Variants in MARCHF1 observed in about 807,000 individuals in gnomAD.
The protein encoded by MARCHF1 is E3 ubiquitin-protein ligase MARCHF1.
A neutral mutation model predicts 54.2 loss-of-function variants in MARCHF1; 40 were observed. The observed-to-expected ratio is 0.74, with a 90% CI of 0.57 to 0.96. The LOEUF is 0.96. Ranked by LOEUF, MARCHF1 falls within the 40% of genes least tolerant of loss-of-function variation. The pLI is 0.00. For missense variants in MARCHF1, 586 were observed against 656.5 expected, an observed-to-expected ratio of 0.89 and a Z score of 1.17; for synonymous variants, 236 against 236.3, an observed-to-expected ratio of 1.00 and a Z score of 0.01.
intron 1 of MARCHF1, among the ~76,000 whole-genome samples, chr4:164,352,490 A>C (rs374188121): frequency 7.0e-5 from 10 of 142,408 alleles, no homozygotes; most frequent in East Asian, 2.4e-4. Context: ...TTCAACCCAG[A>C]ATTTCATATC....
At chr4:164,327,656 G>A (rs1351897224) in intron 1 of MARCHF1, among the ~76,000 whole-genome samples, 1 of 152,196 alleles carries the variant, frequency 6.6e-6, no homozygotes, top group Non-Finnish European at 1.5e-5. Context: ...GGCCAGTTTG[G>A]ATGCCATCAC....
intron 2 of MARCHF1, among the ~76,000 whole-genome samples, chr4:164,092,142 A>G (rs1026331932): frequency 1.3e-5 from 2 of 152,078 alleles, no homozygotes; most frequent in Admixed American, 6.6e-5. Context: ...ATGAGGCTCA[A>G]TGATTGTACC....
At chr4:163,983,900 T>A (rs755487511) in intron 3 of MARCHF1, among the ~76,000 whole-genome samples, 7 of 152,170 alleles carry the variant, frequency 4.6e-5, no homozygotes, top group Non-Finnish European at 1.0e-4. Flanking sequence ...ATCTCAGCTC[T>A]GGCCCTGAGA....
intron 7 of MARCHF1, among the ~76,000 whole-genome samples, chr4:163,592,152 A>G (rs1249033398): frequency 1.3e-5 from 2 of 152,208 alleles, no homozygotes; most frequent in East Asian, 1.9e-4. Flanking sequence ...CAATCATGAC[A>G]TAAGAATAAA....
intron 1 of MARCHF1, chr4:164,197,846 A>T: frequency 4.2e-6 from 6 of 1,424,740 alleles, no homozygotes; most frequent in Non-Finnish European, 5.5e-6. Flanking sequence ...AATATTTACA[A>T]ATATTATAAT....
At chr4:164,375,493 A>G (rs1446762376) in intron 1 of MARCHF1, among the ~76,000 whole-genome samples, 1 of 152,190 alleles carries the variant, frequency 6.6e-6, no homozygotes, top group East Asian at 1.9e-4. Flanking sequence ...CTATTTCTTT[A>G]GAAGTTCTCT....
At chr4:163,720,283 G>A (rs568335795) in intron 4 of MARCHF1, among the ~76,000 whole-genome samples, 1 of 152,154 alleles carries the variant, frequency 6.6e-6, no homozygotes, top group Non-Finnish European at 1.5e-5. Flanking sequence ...ATTAAATAGG[G>A]AATCCTTTCC....
intron 4 of MARCHF1, among the ~76,000 whole-genome samples, chr4:163,710,825 C>CAGA (rs1235670278): frequency 5.3e-5 from 8 of 152,052 alleles, no homozygotes; most frequent in Non-Finnish European, 7.4e-5. Flanking sequence ...TGCTAAAATG[C>CAGA]AGAAGGTGAT....
At chr4:164,372,627 T>C (rs1377071984) in intron 1 of MARCHF1, among the ~76,000 whole-genome samples, 1 of 152,160 alleles carries the variant, frequency 6.6e-6, no homozygotes, top group Non-Finnish European at 1.5e-5. Context: ...GTGTTTATTA[T>C]CCTACTATAA....
chr4:163,829,665 C>T lies in MARCHF1; in HGVS notation c.111+24356G>A, dbSNP rs181949982. Reference sequence around the variant, plus strand: ...TTCCCCCTGGACTGGATGATATGTACGCAAATATTTAAAAAAATAAATAAC... The same window carrying T: ...TTCCCCCTGGACTGGATGATATGTATGCAAATATTTAAAAAAATAAATAAC... On this transcript the variant is annotated intron_variant, in intron 4 of 9. Coordinates refer to ENST00000514618, the MANE Select transcript of MARCHF1 (RefSeq NM_001394959.1). 1.9e-3 allele frequency among the ~76,000 whole-genome samples: 293 copies of T among 152,164 alleles called. 2 individuals carry two copies. The highest frequency in any genetic ancestry group is 6.6e-3 in the African/African-American group (274 of 41,520).
chr4:163,874,302 T>G (rs1750242316), intron 3 of MARCHF1, among the ~76,000 whole-genome samples: 1 of 152,192 alleles, frequency 6.6e-6, no homozygotes, highest in Admixed American at 6.5e-5. Context: ...TGTGATAATT[T>G]GTCAACTGGA....
At chr4:163,583,180 C>G (rs1740285781) in intron 8 of MARCHF1, among the ~76,000 whole-genome samples, 1 of 152,186 alleles carries the variant, frequency 6.6e-6, no homozygotes, top group South Asian at 2.1e-4. Context: ...AATTTGAAAG[C>G]AAGTCCCTTT....
At chr4:163,815,424 A>G (rs77445401) in intron 4 of MARCHF1, among the ~76,000 whole-genome samples, 6,175 of 152,284 alleles carry the variant, frequency 0.041, 148 homozygotes, top group East Asian at 0.074. Context: ...AATGCACTGT[A>G]CTGGTTGATT....
intron 4 of MARCHF1, among the ~76,000 whole-genome samples, chr4:163,710,933 A>C (rs1196265430): frequency 6.6e-6 from 1 of 152,072 alleles, no homozygotes; most frequent in Non-Finnish European, 1.5e-5. Flanking sequence ...CACTTGTTGA[A>C]CCTTTATAAA....
In MARCHF1 at chr4:163,574,844, C is replaced by G. The variant is rs535639722; in HGVS notation, c.1191+10905G>C. 3.2e-4 allele frequency among the ~76,000 whole-genome samples: 49 copies of G among 151,442 alleles called. No individual in the cohort carries two copies. In the East Asian group the frequency reaches 6.9e-3, roughly 21 times the overall value. On this transcript the variant is annotated intron_variant, in intron 8 of 9. Transcript: ENST00000514618. ...AACTTTAAAGTAGTTTTTTCCAATT[C>G]TGTGAAGAAAGTCATTGGTAGCTTG...
At chr4:164,008,252 T>A (rs1753339470) in intron 2 of MARCHF1, among the ~76,000 whole-genome samples, 1 of 152,076 alleles carries the variant, frequency 6.6e-6, no homozygotes, top group Non-Finnish European at 1.5e-5. Context: ...CATTACATAA[T>A]CATAAAAGGG....
At chr4:163,783,707 A>C (rs1214359090) in intron 4 of MARCHF1, among the ~76,000 whole-genome samples, 3 of 152,230 alleles carry the variant, frequency 2.0e-5, no homozygotes, top group African/African-American at 7.2e-5. Context: ...TGTTTGAGGT[A>C]CAGGAGCAAT....
intron 3 of MARCHF1, among the ~76,000 whole-genome samples, chr4:163,968,777 T>A (rs973314042): frequency 2.0e-5 from 3 of 152,028 alleles, no homozygotes; most frequent in African/African-American, 4.8e-5. Context: ...CTGCCCCTCA[T>A]CCAACAAACA....
intron 8 of MARCHF1, among the ~76,000 whole-genome samples, chr4:163,566,775 A>G (rs1429106762): frequency 6.6e-6 from 1 of 152,208 alleles, no homozygotes; most frequent in Non-Finnish European, 1.5e-5. Context: ...ACAATGGTTC[A>G]CTGACTATAT....
Sources: allele counts gnomAD v4.1 joint callset (sites outside exome capture counted in the v4.1 genomes callset), GRCh38; gene constraint gnomAD v4.1.1; transcripts MANE v1.5; gene names NCBI Gene and HGNC (gene_info 2026-07-23, HGNC 2026-07-21).